Variants in PCDHGA2 observed in about 807,000 individuals in gnomAD.
PCDHGA2 encodes the protein protocadherin gamma-A2.
In PCDHGA2, 40 loss-of-function variants were observed where a neutral mutation model predicts 59.2. The ratio of observed to expected loss-of-function variants is 0.68; its 90% CI spans 0.52 to 0.88. PCDHGA2 has a LOEUF of 0.88. PCDHGA2 is among the 40% of genes least tolerant of loss of function. The pLI is 0.00. For synonymous variants in PCDHGA2, 560 were observed against 526.0 expected (o/e 1.06, Z -0.89); for missense variants, 1,226 against 1,204.0 (o/e 1.02, Z -0.27).
At position 141,414,131 on chromosome 5, in the gene PCDHGA2, A is replaced by G. The variant is rs977911874; in HGVS notation, c.2424+72736A>G. 1.9e-6 allele frequency: 3 copies of G among 1,594,622 alleles called. No homozygotes were observed. The highest frequency in any genetic ancestry group is 2.7e-5 in the African/African-American group (2 of 74,402). The stretch of plus-strand genomic sequence containing the variant: ...CTAGATTATGAAGAAACCGGTTTCT[A>G]TGAAATAGAAATACAAGCAGAAGAT... On this transcript the variant is annotated intron_variant, in intron 1 of 3. Transcript: ENST00000394576.
intron 1 of PCDHGA2, among the ~76,000 whole-genome samples, chr5:141,457,854 C>A (rs2098930903): frequency 6.6e-6 from 1 of 152,234 alleles, no homozygotes; most frequent in African/African-American, 2.4e-5. Flanking sequence ...AAGTGACATT[C>A]TTCACTGACC....
intron 1 of PCDHGA2, among the ~76,000 whole-genome samples, chr5:141,458,201 T>C (rs973995736): frequency 6.6e-6 from 1 of 152,168 alleles, no homozygotes; most frequent in African/African-American, 2.4e-5. Context: ...AGGCCATAAA[T>C]AGTTTAAAAT....
chr5:141,416,478 C>T (rs1186938693), intron 1 of PCDHGA2: 4 of 151,994 alleles, frequency 2.6e-5, no homozygotes, highest in Non-Finnish European at 4.4e-5. Context: ...TACATGTTCC[C>T]GAGAACAGGA....
intron 1 of PCDHGA2, chr5:141,376,159 C>A: frequency 1.9e-6 from 3 of 1,614,084 alleles, no homozygotes; most frequent in Non-Finnish European, 2.5e-6. Context: ...TCACTCTGTA[C>A]CTGGTGGTGG....
rs368093282 is a variant in PCDHGA2 at position 141,350,894 on chromosome 5, A to G, written c.2424+9499A>G. 1.2e-6 allele frequency: 2 copies of G among 1,613,946 alleles called. No homozygotes were observed. The highest frequency in any genetic ancestry group is 1.7e-6 in the Non-Finnish European group (2 of 1,179,908). On this transcript the variant is annotated intron_variant, in intron 1 of 3. Transcript: ENST00000394576. Reference sequence around the variant, plus strand: ...CTCTCATCGCTTAATCCTGACTGCCATGGATGGCGGGGACCCGCCTCTAAG... The same window carrying G: ...CTCTCATCGCTTAATCCTGACTGCCGTGGATGGCGGGGACCCGCCTCTAAG...
intron 1 of PCDHGA2, chr5:141,404,213 A>G: frequency 6.2e-7 from 1 of 1,613,516 alleles, no homozygotes; most frequent in Non-Finnish European, 8.5e-7. Context: ...ATATAATATC[A>G]CGGTGACTGC....
intron 1 of PCDHGA2, chr5:141,407,952 G>A (rs1235192174): frequency 2.7e-5 from 17 of 633,328 alleles, no homozygotes; most frequent in Admixed American, 1.4e-4. Context: ...CTGTCGGCCA[G>A]TGCAGAGCAA....
rs145851665 is a variant in PCDHGA2, at chr5:141,339,749, C to T, written c.778C>T (p.Arg260Trp). The change falls in exon 1 of 4, where the codon CGG becomes TGG. Residue 260 changes from arginine (R) to tryptophan (W), a missense_variant. By Grantham distance (101) the Arg-to-Trp change is moderately radical. Coordinates refer to ENST00000394576, the MANE Select transcript of PCDHGA2 (RefSeq NM_018915.4). ...TCCGGAGAATACGCTCGTGGGCACC[C>T]GGATACTCACGGTGACCGCCACTGA... Reference protein sequence around the residue: ...SIPENTLVGTRILTVTATDAD... With the variant: ...SIPENTLVGTWILTVTATDAD... 1 of 1,614,068 alleles carries T rather than the reference C, an allele frequency of 6.2e-7. No homozygotes were observed. Among genetic ancestry groups the T allele is most frequent in the South Asian group, 1.1e-5 (1 of 91,074 alleles).
chr5:141,340,232 A>G lies in PCDHGA2; in HGVS notation c.1261A>G (p.Thr421Ala). The change falls in exon 1 of 4, where the codon ACT (threonine) becomes GCT (alanine). Residue 421 changes from threonine (T) to alanine (A), a missense_variant. Coordinates refer to ENST00000394576, the MANE Select transcript of PCDHGA2 (RefSeq NM_018915.4). ...GGAACAGTTTTCCTTTTACAACATC[A>G]CTCTAACCGCTAAAGATGGAGGGAA... ...DREQFSFYNI[T>A]LTAKDGGNPS... 1 of 1,613,876 alleles carries G rather than the reference A, an allele frequency of 6.2e-7. No individual in the cohort carries two copies. Among genetic ancestry groups the G allele is most frequent in the Non-Finnish European group, 8.5e-7 (1 of 1,179,964 alleles).
chr5:141,384,719 T>A (rs758469916), intron 1 of PCDHGA2: 1 of 1,614,100 alleles, frequency 6.2e-7, no homozygotes, highest in Non-Finnish European at 8.5e-7. Context: ...CTGTCATACC[T>A]CCTGCTTAAG....
chr5:141,432,117 C>T lies in PCDHGA2; in HGVS notation c.2425-62690C>T, dbSNP rs761106133. The T allele has an allele frequency of 3.9e-5, 63 of 1,614,062 alleles. No individual in the cohort carries two copies. Among genetic ancestry groups the T allele is most frequent in the Non-Finnish European group, 4.2e-5 (50 of 1,180,048 alleles). On this transcript the variant is annotated intron_variant, in intron 1 of 3. Transcript: ENST00000394576. The surrounding 1 kb of genome is among the most constrained non-coding windows in gnomAD (Gnocchi z 6.0). ...ACCAACGACAACCCGCCGGTCTTCC[C>T]TCAGGCCTCCTATTCCGCTTATATC...
intron 1 of PCDHGA2, chr5:141,372,005 G>C (rs1768294094): frequency 1.2e-6 from 2 of 1,613,304 alleles, no homozygotes; most frequent in East Asian, 2.2e-5. Flanking sequence ...CCCGCGACCA[G>C]GGCTCGCCTA....
chr5:141,403,855 A>G (rs750458276), intron 1 of PCDHGA2: 12 of 1,613,676 alleles, frequency 7.4e-6, no homozygotes, highest in Non-Finnish European at 1.0e-5. Flanking sequence ...CTGGGGAAAT[A>G]TCAACAGCAA....
chr5:141,383,849 T>C (rs757932608), intron 1 of PCDHGA2: 9 of 1,613,952 alleles, frequency 5.6e-6, no homozygotes, highest in South Asian at 4.4e-5. Flanking sequence ...TTCTATGAAA[T>C]GGAGGTTCAG....
intron 1 of PCDHGA2, chr5:141,422,554 G>A (rs753985751): frequency 1.2e-5 from 19 of 1,613,870 alleles, no homozygotes; most frequent in Non-Finnish European, 1.6e-5. Flanking sequence ...CTGGCTGAAT[G>A]TGGCAGATGA....
At chr5:141,342,359 T>G (rs1407809275) in intron 1 of PCDHGA2, 3 of 152,192 alleles carry the variant, frequency 2.0e-5, no homozygotes, top group Non-Finnish European at 4.4e-5. Context: ...TTCCTCTTCC[T>G]ATATTGGCTT....
intron 1 of PCDHGA2, chr5:141,345,116 C>A: frequency 6.2e-7 from 1 of 1,613,858 alleles, no homozygotes; most frequent in African/African-American, 1.3e-5. Context: ...AAGAGGGCAC[C>A]GTTGGAAGAG....
rs777668071 is a variant in PCDHGA2 at position 141,491,848 on chromosome 5, C to G, written c.2425-2959C>G. The G allele has an allele frequency of 3.4e-6, 5 of 1,461,482 alleles. No homozygotes were observed. The highest frequency in any genetic ancestry group is 4.5e-6 in the Non-Finnish European group (5 of 1,104,578). 90.5% of individuals were successfully genotyped at this position (1,461,482 alleles called of 1,614,324 possible). A position where few individuals can be genotyped will look rare whatever the true frequency, so the allele number is the denominator to read the frequency against. ...CACCCGATTCTCGGGATCATTGGAC[C>G]GTTTGCGCGAAACCAGAGTGGCCGA... On this transcript the variant is annotated intron_variant, in intron 1 of 3. Transcript: ENST00000394576. The surrounding 1 kb of genome is among the most constrained non-coding windows in gnomAD (Gnocchi z 6.9).
intron 1 of PCDHGA2, among the ~76,000 whole-genome samples, chr5:141,381,181 G>A (rs1777044636): frequency 6.6e-6 from 1 of 152,230 alleles, no homozygotes; most frequent in African/African-American, 2.4e-5. Flanking sequence ...ACAAAACGAA[G>A]TTAAGCTTTC....
Sources: allele counts gnomAD v4.1 joint callset (sites outside exome capture counted in the v4.1 genomes callset), GRCh38; gene constraint gnomAD v4.1.1; non-coding constraint Gnocchi (gnomAD v3.1); transcripts MANE v1.5; gene names NCBI Gene and HGNC (gene_info 2026-07-23, HGNC 2026-07-21).